Variants in PI4K2B observed in about 807,000 individuals in gnomAD.
PI4K2B encodes the protein phosphatidylinositol 4-kinase type 2-beta.
In PI4K2B, 46 loss-of-function variants were observed where a neutral mutation model predicts 56.6. The ratio of observed to expected loss-of-function variants is 0.81; its 90% CI spans 0.64 to 1.04. The LOEUF is 1.04. Among genes scored for constraint, PI4K2B ranks in the 50% least tolerant of loss-of-function variants. PI4K2B has a pLI of 0.00. For missense variants in PI4K2B, 556 were observed against 607.7 expected (o/e 0.91, Z 0.89); for synonymous variants, 211 against 223.8 (o/e 0.94, Z 0.51).
chr4:25,240,243 A>G (rs190152583), intron 1 of PI4K2B, among the ~76,000 whole-genome samples: 176 of 152,286 alleles, frequency 1.2e-3, no homozygotes, highest in African/African-American at 4.0e-3. Flanking sequence ...TAGTGTAAAA[A>G]TAACACTCTT....
At chr4:25,242,298 G>A (rs892481330) in intron 1 of PI4K2B, among the ~76,000 whole-genome samples, 1 of 152,234 alleles carries the variant, frequency 6.6e-6, no homozygotes, top group East Asian at 1.9e-4. Flanking sequence ...GGACCAGAGT[G>A]CCTGGACTTG....
At chr4:25,239,000 C>T (rs539511113) in intron 1 of PI4K2B, among the ~76,000 whole-genome samples, 245 of 152,272 alleles carry the variant, frequency 1.6e-3, no homozygotes, top group African/African-American at 5.4e-3. Context: ...TTTACAATCC[C>T]TGAGCTAGAC....
intron 9 of PI4K2B, among the ~76,000 whole-genome samples, chr4:25,273,833 A>T (rs1237136969): frequency 6.6e-6 from 1 of 152,246 alleles, no homozygotes; most frequent in Non-Finnish European, 1.5e-5. Context: ...GGCTTTCAGC[A>T]CAGTCGACAA....
intron 7 of PI4K2B, among the ~76,000 whole-genome samples, chr4:25,266,928 A>G (rs1408137426): frequency 6.6e-6 from 1 of 152,082 alleles, no homozygotes; most frequent in Non-Finnish European, 1.5e-5. Flanking sequence ...GAATGCTTAA[A>G]TAAATAGAGA....
chr4:25,245,498 C>T (rs1287865638), intron 1 of PI4K2B, among the ~76,000 whole-genome samples: 3 of 152,098 alleles, frequency 2.0e-5, no homozygotes, highest in South Asian at 2.1e-4. Flanking sequence ...TGTCGACCCT[C>T]GGCTCAGCCC....
intron 1 of PI4K2B, among the ~76,000 whole-genome samples, chr4:25,243,116 C>T (rs574109044): frequency 2.9e-4 from 44 of 152,306 alleles, no homozygotes; most frequent in South Asian, 8.3e-4. Flanking sequence ...GAGAAGGCCG[C>T]GCCCGTGTCC....
intron 8 of PI4K2B, 78 bp downstream of exon 8, chr4:25,268,654 C>A: frequency 1.0e-6 from 1 of 1,003,148 alleles, no homozygotes; most frequent in Non-Finnish European, 1.4e-6. Flanking sequence ...AGCTGATTTG[C>A]AATTTTCTAT....
chr4:25,242,991 A>G (rs897776906), intron 1 of PI4K2B, among the ~76,000 whole-genome samples: 2 of 152,228 alleles, frequency 1.3e-5, no homozygotes, highest in Non-Finnish European at 2.9e-5. Flanking sequence ...AAAAGAGCAA[A>G]GTCTCCCAAT....
intron 2 of PI4K2B, among the ~76,000 whole-genome samples, chr4:25,253,193 C>G (rs1716131180): frequency 6.6e-6 from 1 of 152,064 alleles, no homozygotes; most frequent in Non-Finnish European, 1.5e-5. Context: ...AATACCTTTT[C>G]TGGCATTTTA....
At position 25,243,776 on chromosome 4, in the gene PI4K2B, T is replaced by C. The variant is rs1403410628; in HGVS notation, c.269-8545T>C. On this transcript the variant is annotated intron_variant, in intron 1 of 9. Transcript: ENST00000264864. ...CTGAGTTATGGTGGACATCATTGAA[T>C]AATTCATGGGCTTTTTTCTAATTCT... 2.0e-5 allele frequency among the ~76,000 whole-genome samples: 3 copies of C among 152,340 alleles called. No homozygotes were observed. The East Asian group carries it at 5.8e-4, about 29-fold the overall frequency.
chr4:25,267,819 C>T, intron 7 of PI4K2B: 1 of 965,574 alleles, frequency 1.0e-6, no homozygotes, highest in Non-Finnish European at 1.2e-6. Context: ...AATGACTCAC[C>T]CATTTACCTC....
chr4:25,273,923 T>G lies in PI4K2B; in HGVS notation c.1273-3091T>G, dbSNP rs1717004425. ...CTCCCTGGGCTTGGCAAATCTGAAC[T>G]GCTCTTCCTTCCCCTTTCCCAGTGG... On this transcript the variant is annotated intron_variant, in intron 9 of 9. Coordinates refer to ENST00000264864, the MANE Select transcript of PI4K2B (RefSeq NM_018323.4). Among the ~76,000 whole-genome samples, 3 of 152,186 alleles carry G rather than the reference T, an allele frequency of 2.0e-5. No homozygotes were observed. In the South Asian group the frequency reaches 6.2e-4, roughly 32 times the overall value.
At chr4:25,249,327 A>G (rs1225754564) in intron 1 of PI4K2B, among the ~76,000 whole-genome samples, 1 of 152,056 alleles carries the variant, frequency 6.6e-6, no homozygotes, top group Non-Finnish European at 1.5e-5. Flanking sequence ...GCTGTTGGGT[A>G]CACCTCCCAG....
rs138879345 is a variant in PI4K2B, at chr4:25,263,808, G to T, written c.1037G>T (p.Gly346Val). The T allele has an allele frequency of 2.7e-5, 42 of 1,539,550 alleles. No individual in the cohort carries two copies. The highest frequency in any genetic ancestry group is 3.6e-5 in the Non-Finnish European group (40 of 1,114,014). ...FLIKIAAIDN[G>V]LAFPFKHPDE... ...ATTAAAATAGCTGCAATTGATAATG[G>T]TCTAGCATTTCCTTTTAAACATCCT... The change falls in exon 7 of 10, where the codon GGT (glycine) becomes GTT (valine). Residue 346 changes from glycine (G) to valine (V), a missense_variant. Physicochemically the swap from Gly to Val is moderately radical, Grantham distance 109. Transcript: ENST00000264864.
At chr4:25,265,198 C>CAAAAAAAAAAAA (rs71188933) in intron 7 of PI4K2B, among the ~76,000 whole-genome samples, 839 of 65,376 alleles carry the variant, frequency 0.013, 87 homozygotes, top group African/African-American at 0.054. Context: ...TCTGTCTCAC[C>CAAAAAAAAAAAA]AAAAAAAAAA....
chr4:25,256,057 T>C (rs1716252172), intron 3 of PI4K2B, among the ~76,000 whole-genome samples: 1 of 152,196 alleles, frequency 6.6e-6, no homozygotes, highest in Non-Finnish European at 1.5e-5. Context: ...TAGCTTGTAA[T>C]ACAGGCATCA....
Position 25,234,403 on chromosome 4 carries a change from G to C in PI4K2B, c.240G>C (p.Glu80Asp). The change falls in exon 1 of 10, where the codon GAG (glutamate) becomes GAC (aspartate). Residue 80 changes from glutamate (E) to aspartate (D), a missense_variant. Coordinates refer to ENST00000264864, the MANE Select transcript of PI4K2B (RefSeq NM_018323.4). ...GGGTCTCCCGGAGTTCGTCCGCCGA[G>C]CTGGACCGGAGCCGCCCCGCGGTTT... ...DVGVSRSSSA[E>D]LDRSRPAVSV... 1 of 1,388,944 alleles carries C rather than the reference G, an allele frequency of 7.2e-7. No individual in the cohort carries two copies. Among genetic ancestry groups the C allele is most frequent in the Non-Finnish European group, 9.3e-7 (1 of 1,070,268 alleles). 86.0% of individuals were successfully genotyped at this position (1,388,944 alleles called of 1,614,324 possible).
rs1717155298 is a variant in PI4K2B at position 25,277,683 on chromosome 4, A to ATAAG, written c.*499_*502dup. On this transcript the variant is annotated 3_prime_UTR_variant, in exon 10 of 10. Transcript: ENST00000264864. ...CAAAAGCTGCTATTTTAGAATTTGA[A>ATAAG]TAAGTACTCCTAAAGTGACCATTAT... The ATAAG allele has an allele frequency of 6.6e-6, 1 of 152,548 alleles. No individual in the cohort carries two copies. Among genetic ancestry groups the ATAAG allele is most frequent in the African/African-American group, 2.4e-5 (1 of 41,474 alleles). 9.4% of individuals were successfully genotyped at this position (152,548 alleles called of 1,614,324 possible). A position where few individuals can be genotyped will look rare whatever the true frequency, so the allele number is the denominator to read the frequency against.
intron 3 of PI4K2B, among the ~76,000 whole-genome samples, chr4:25,255,906 C>G (rs1031616319): frequency 1.3e-5 from 2 of 151,672 alleles, no homozygotes; most frequent in African/African-American, 2.4e-5. Context: ...CATCATGCGC[C>G]TGGCACCCAC....
Sources: gnomAD v4.1 joint callset for allele counts (sites outside exome capture counted in the v4.1 genomes callset) on GRCh38, gnomAD v4.1.1 for gene constraint, MANE v1.5 for transcripts, NCBI Gene and HGNC (gene_info 2026-07-23, HGNC 2026-07-21) for gene names.